Variants in TMEM150B observed in about 807,000 individuals in gnomAD.
The protein encoded by TMEM150B is modulator of macroautophagy TMEM150B.
TMEM150B carries 33 observed loss-of-function variants against 25.2 expected under a neutral mutation model. That is an observed-to-expected ratio of 1.31 (90% CI 0.99 to 1.75). The LOEUF (loss-of-function observed/expected upper bound fraction) is 1.75, where lower values mean the gene tolerates loss of function less well. Ranked by LOEUF, TMEM150B falls within the 40% of genes most tolerant of loss-of-function variation. The pLI, the probability that TMEM150B is intolerant of heterozygous loss-of-function variation, is 0.00. For missense variants in TMEM150B, 322 were observed against 306.1 expected, an observed-to-expected ratio of 1.05 and a Z score of -0.39; for synonymous variants, 133 against 134.8, an observed-to-expected ratio of 0.99 and a Z score of 0.09.
chr19:55,310,873 G>C (rs2088773669), downstream of TMEM150B, among the ~76,000 whole-genome samples: 1 of 152,144 alleles, frequency 6.6e-6, no homozygotes, highest in Admixed American at 6.5e-5. This position sits in a 1 kb window ranked among gnomAD's most constrained non-coding sequence, Gnocchi z 5.0. Context: ...AGGCACCCTG[G>C]GGGGCTCAGC....
Position 55,321,068 on chromosome 19 carries a change from A to C in TMEM150B, c.-32T>G, listed in dbSNP as rs2089194802. ...CTCTGCAGGTGAAGGATCGGGGCTG[A>C]GGCTGGACACCTGTCTCTCTCACAC... On this transcript the variant is annotated 5_prime_UTR_variant, in exon 3 of 8. Transcript: ENST00000326652. 6.2e-7 allele frequency: 1 copy of C among 1,601,964 alleles called. No individual in the cohort carries two copies. The highest frequency in any genetic ancestry group is 1.1e-5 in the South Asian group (1 of 89,460).
chr19:55,316,599 G>A (rs1375626779), intron 7 of TMEM150B, among the ~76,000 whole-genome samples, 187 bp downstream of exon 7: 3 of 151,666 alleles, frequency 2.0e-5, no homozygotes, highest in Non-Finnish European at 4.4e-5. Context: ...CTGTGTGGAG[G>A]ACAGGGGCTT....
At chr19:55,312,040 T>C, downstream of TMEM150B, 10 of 1,470,548 alleles carry the variant, frequency 6.8e-6, no homozygotes, top group Non-Finnish European at 9.0e-6. Flanking sequence ...AAGAAGCTCC[T>C]GGCCACCAAC....
chr19:55,312,914 C>G lies in TMEM150B; in HGVS notation c.647G>C (p.Trp216Ser). ...GGCCGGCGGGGGGCTGAGGCTGGGC[C>G]ACGGCTGAACACACAGGGTGCAGCT... ...LESCTLCVQP[W>S]PSLSPPPASP... Residue 216 changes from tryptophan to serine, a missense_variant, in exon 8 of 8, where the codon TGG (tryptophan) becomes TCG (serine). Coordinates refer to ENST00000326652, the MANE Select transcript of TMEM150B (RefSeq NM_001282011.2). The G allele has an allele frequency of 6.2e-7, 1 of 1,608,448 alleles. No homozygotes were observed. The highest frequency in any genetic ancestry group is 2.2e-5 in the East Asian group (1 of 44,566).
At position 55,319,894 on chromosome 19, in the gene TMEM150B, C is replaced by T. The variant is rs563946970; in HGVS notation, c.324+145G>A. ...GCAAAGGAATCCAGCCGGTCCAAGG[C>T]CACTGGCCAGAGAAAAATACAAGTC... On this transcript the variant is annotated intron_variant, in intron 6 of 7. Transcript: ENST00000326652. 3.5e-5 allele frequency: 51 copies of T among 1,463,904 alleles called. No individual in the cohort carries two copies. In the African/African-American group the frequency reaches 6.7e-4, roughly 19 times the overall value. 90.7% of individuals were successfully genotyped at this position (1,463,904 alleles called of 1,614,324 possible).
At chr19:55,312,094 AC>A (rs1013130034), downstream of TMEM150B, 8 of 984,038 alleles carry the variant, frequency 8.1e-6, no homozygotes, top group East Asian at 3.2e-5. Context: ...GAGGGAGGGG[AC>A]CCCCCTCCAC....
In TMEM150B at chr19:55,316,975, A is replaced by G. The variant is rs1234333054; in HGVS notation, c.325-9T>C. 3.8e-6 allele frequency: 6 copies of G among 1,592,496 alleles called. No homozygotes were observed. The highest frequency in any genetic ancestry group is 4.3e-6 in the Non-Finnish European group (5 of 1,172,604). ...GGCCGCTGGTTCTTTTCCTGGGAGG[A>G]GAAGGGAGAAGTTGGGAGGGAGACT... On this transcript the variant is annotated splice_polypyrimidine_tract_variant and intron_variant, in intron 6 of 7. Coordinates refer to ENST00000326652, the MANE Select transcript of TMEM150B (RefSeq NM_001282011.2).
At chr19:55,316,043 G>C (rs2088987146) in intron 7 of TMEM150B, among the ~76,000 whole-genome samples, 1 of 152,206 alleles carries the variant, frequency 6.6e-6, no homozygotes, top group Non-Finnish European at 1.5e-5. Context: ...TGTGCTGGTG[G>C]AAAGTGCCTC....
chr19:55,321,028 GCC>G lies in TMEM150B; in HGVS notation c.7_8del (p.Gly3LeufsTer34), dbSNP rs752988819. MW[G>X]YLSLMPVFLA... ...GGAAGACAGGCATCAGCGACAGGTA[GCC>G]CCACATGCCGGGCTCTGCAGGTGAA... is the stretch of plus-strand genomic sequence containing the variant. On this transcript the variant is annotated frameshift_variant, in exon 3 of 8. Transcript: ENST00000326652. LOFTEE classifies it high-confidence loss of function. The G allele has an allele frequency of 6.2e-7, 1 of 1,613,684 alleles. No homozygotes were observed. The highest frequency in any genetic ancestry group is 2.2e-5 in the East Asian group (1 of 44,854).
chr19:55,318,175 A>G (rs1022864941), intron 6 of TMEM150B, among the ~76,000 whole-genome samples: 2 of 151,996 alleles, frequency 1.3e-5, no homozygotes, highest in Non-Finnish European at 2.9e-5. Flanking sequence ...AGCGTGGCCA[A>G]CATGGTGAAA....
At position 55,321,008 on chromosome 19, in the gene TMEM150B, A is replaced by G; in HGVS notation, c.29T>C (p.Val10Ala). The change falls in exon 3 of 8, where the codon GTC (valine) becomes GCC (alanine). Residue 10 changes from valine to alanine, a missense_variant. Physicochemically the swap from Val to Ala is moderately conservative, Grantham distance 64. Coordinates refer to ENST00000326652, the MANE Select transcript of TMEM150B (RefSeq NM_001282011.2). MWGYLSLMP[V>A]FLAVWAISGV... ...AGAGATAGCCCAGACAGCTAGGAAG[A>G]CAGGCATCAGCGACAGGTAGCCCCA... is the stretch of plus-strand genomic sequence containing the variant. 7 of 1,613,918 alleles carry G rather than the reference A, an allele frequency of 4.3e-6. No homozygotes were observed. Among genetic ancestry groups the G allele is most frequent in the South Asian group, 1.1e-5 (1 of 91,080 alleles).
rs1460381841 is a variant in TMEM150B at position 55,315,312 on chromosome 19, T to C, written c.505+1474A>G. ...CCCTGGGTGACAGAGTGAGACTCCA[T>C]CTCAAAAAATAATAATAACAAGATA... On this transcript the variant is annotated intron_variant, in intron 7 of 7. Coordinates refer to ENST00000326652, the MANE Select transcript of TMEM150B (RefSeq NM_001282011.2). 2.7e-5 allele frequency among the ~76,000 whole-genome samples: 4 copies of C among 149,746 alleles called. 1 individual carries two copies. The Admixed American group carries it at 2.7e-4, about 10-fold the overall frequency.
At chr19:55,318,206 C>A (rs1032819541) in intron 6 of TMEM150B, among the ~76,000 whole-genome samples, 2 of 151,698 alleles carry the variant, frequency 1.3e-5, no homozygotes, top group African/African-American at 4.8e-5. Context: ...ACTAAAAATG[C>A]AAAAAGTAGC....
At chr19:55,321,251 C>G (rs2089200649) in intron 2 of TMEM150B, among the ~76,000 whole-genome samples, 158 bp from the exon 3 acceptor site, 1 of 151,794 alleles carries the variant, frequency 6.6e-6, no homozygotes, top group African/African-American at 2.4e-5. Context: ...CCGCAGTGTT[C>G]AACCCTATCT....
intron 6 of TMEM150B, among the ~76,000 whole-genome samples, chr19:55,317,546 A>G (rs1425240485): frequency 2.6e-5 from 4 of 152,074 alleles, no homozygotes; most frequent in African/African-American, 9.7e-5. Flanking sequence ...TTGGGAGGCC[A>G]AGGCGGGTAG....
intron 1 of TMEM150B, among the ~76,000 whole-genome samples, chr19:55,323,592 TC>T (rs1314636529): frequency 6.6e-6 from 1 of 150,512 alleles, no homozygotes; most frequent in Non-Finnish European, 1.5e-5. Context: ...AACCTCTGCT[TC>T]CCGGGTTCAA....
intron 2 of TMEM150B, among the ~76,000 whole-genome samples, chr19:55,322,239 C>T (rs1461454504): frequency 2.6e-5 from 4 of 152,108 alleles, no homozygotes; most frequent in Non-Finnish European, 1.5e-5. Flanking sequence ...GTCCCTCCTG[C>T]CTCTGACACT....
intron 2 of TMEM150B, among the ~76,000 whole-genome samples, chr19:55,321,991 G>A (rs544899276): frequency 6.6e-6 from 1 of 152,260 alleles, no homozygotes; most frequent in East Asian, 1.9e-4. Context: ...AGCTTTCAGC[G>A]ATGACATCTC....
downstream of TMEM150B, among the ~76,000 whole-genome samples, chr19:55,310,909 TG>T (rs933902552): frequency 6.6e-6 from 1 of 151,964 alleles, no homozygotes; most frequent in African/African-American, 2.4e-5. The surrounding 1 kb of genome is among the most constrained non-coding windows in gnomAD (Gnocchi z 5.0). Context: ...GAGAATGGGG[TG>T]GGGGGTGCAG....
Sources: gnomAD v4.1 joint callset for allele counts (sites outside exome capture counted in the v4.1 genomes callset) on GRCh38, gnomAD v4.1.1 for gene constraint, Gnocchi (gnomAD v3.1) non-coding constraint, MANE v1.5 for transcripts, NCBI Gene and HGNC (gene_info 2026-07-23, HGNC 2026-07-21) for gene names.